PDE10A: variants seen among roughly 807,000 people sequenced by gnomAD.
PDE10A encodes cAMP and cAMP-inhibited cGMP 3',5'-cyclic phosphodiesterase 10A.
PDE10A carries 39 observed loss-of-function variants against 97.7 expected under a neutral mutation model. The observed-to-expected ratio is 0.40, with a 90% CI of 0.31 to 0.52. The LOEUF is 0.52. Among genes scored for constraint, PDE10A ranks in the 20% least tolerant of loss-of-function variants. The pLI, the probability that PDE10A is intolerant of heterozygous loss-of-function variation, is 0.56. For missense variants in PDE10A, 731 were observed against 1,047.8 expected, an observed-to-expected ratio of 0.70 and a Z score of 4.17; for synonymous variants, 371 against 376.8, an observed-to-expected ratio of 0.98 and a Z score of 0.18.
At chr6:165,947,048 G>A (rs1227156009) in intron 1 of PDE10A, 1 of 152,082 alleles carries the variant, frequency 6.6e-6, no homozygotes, top group African/African-American at 2.4e-5. Flanking sequence ...ATCCAGTCAA[G>A]GCCCATTCAT....
intron 5 of PDE10A, among the ~76,000 whole-genome samples, chr6:165,439,320 TA>T (rs1450327801): frequency 1.3e-5 from 2 of 152,160 alleles, no homozygotes; most frequent in East Asian, 3.9e-4. Context: ...TATAAATATA[TA>T]AAAACTTTAA....
chr6:165,960,350 T>C (rs1057398880), intron 1 of PDE10A, among the ~76,000 whole-genome samples: 4 of 152,078 alleles, frequency 2.6e-5, no homozygotes, highest in African/African-American at 9.7e-5. Context: ...GGAAAAAGCT[T>C]GAAGACATGC....
chr6:165,451,908 C>A (rs1791322560), intron 3 of PDE10A, among the ~76,000 whole-genome samples: 2 of 152,186 alleles, frequency 1.3e-5, no homozygotes, highest in Non-Finnish European at 2.9e-5. Context: ...TATGCTAGTG[C>A]TAGGTTGGCT....
At chr6:165,441,937 T>C (rs1790498412) in intron 5 of PDE10A, among the ~76,000 whole-genome samples, 1 of 152,236 alleles carries the variant, frequency 6.6e-6, no homozygotes, top group Non-Finnish European at 1.5e-5. Flanking sequence ...TTGAAAACTG[T>C]TCATTTTTAT....
At chr6:165,548,546 T>G (rs1783853446) in intron 1 of PDE10A, among the ~76,000 whole-genome samples, 1 of 152,158 alleles carries the variant, frequency 6.6e-6, no homozygotes, top group Admixed American at 6.5e-5. Context: ...CTGCATTTCT[T>G]GAAAATTGAC....
chr6:165,708,666 C>A (rs1420282450), intron 1 of PDE10A, among the ~76,000 whole-genome samples: 1 of 151,714 alleles, frequency 6.6e-6, no homozygotes, highest in Non-Finnish European at 1.5e-5. Context: ...TCGACCCGGC[C>A]GACCCACTCT....
intron 1 of PDE10A, among the ~76,000 whole-genome samples, chr6:165,814,784 A>G (rs1346873779): frequency 1.3e-5 from 2 of 152,112 alleles, no homozygotes; most frequent in African/African-American, 4.8e-5. Flanking sequence ...CACAAAGAGA[A>G]AGCTAAGGCC....
At chr6:165,442,109 C>T (rs1790511539) in intron 5 of PDE10A, among the ~76,000 whole-genome samples, 1 of 152,096 alleles carries the variant, frequency 6.6e-6, no homozygotes, top group African/African-American at 2.4e-5. Context: ...AAAGAACTAC[C>T]TCAGACTGGG....
chr6:165,373,155 G>A (rs1399735773), intron 18 of PDE10A, among the ~76,000 whole-genome samples: 5 of 151,026 alleles, frequency 3.3e-5, no homozygotes, highest in African/African-American at 1.2e-4. Context: ...TTACCATTCA[G>A]GACATAGGCA....
At position 165,825,334 on chromosome 6, in the gene PDE10A, A is replaced by G. The variant is rs140065818; in HGVS notation, c.-615+162195T>C. On this transcript the variant is annotated intron_variant, in intron 1 of 19. Transcript: ENST00000366882. ...GCCAAGTGGGTCTTTTTCATTCCTC[A>G]TGGCAAAGTGGTTTTTAATTGCACC... 2.0e-5 allele frequency among the ~76,000 whole-genome samples: 3 copies of G among 152,018 alleles called. No homozygotes were observed. In the South Asian group the frequency reaches 6.2e-4, roughly 32 times the overall value.
In PDE10A at chr6:165,418,034, C is replaced by T. The variant is rs556022335; in HGVS notation, c.1796+601G>A. Among the ~76,000 whole-genome samples the T allele has an allele frequency of 3.9e-5, 6 of 152,172 alleles. No individual in the cohort carries two copies. In the East Asian group the frequency reaches 7.7e-4, roughly 20 times the overall value. ...TGCTCCTTGTGTAGGTTTCCAGGTGCGATATGAGCAAGCCCCCATGCCTCC... is the reference window on the plus strand; with the variant it reads ...TGCTCCTTGTGTAGGTTTCCAGGTGTGATATGAGCAAGCCCCCATGCCTCC... On this transcript the variant is annotated intron_variant, in intron 11 of 21. Transcript: ENST00000539869. This position sits in a 1 kb window ranked among gnomAD's most constrained non-coding sequence, Gnocchi z 4.8.
rs1370546597 is a variant in PDE10A at position 165,695,600 on chromosome 6, G to A, written c.-614-152032C>T. Among the ~76,000 whole-genome samples the A allele has an allele frequency of 3.9e-5, 6 of 152,292 alleles. No homozygotes were observed. In the East Asian group the frequency reaches 7.7e-4, roughly 20 times the overall value. ...AAAAAGTTGGGAGTGGGGGAGAGGTGCAGGCTGTAAAACAGATAGCTCCTG... is the reference window on the plus strand; with the variant it reads ...AAAAAGTTGGGAGTGGGGGAGAGGTACAGGCTGTAAAACAGATAGCTCCTG... On this transcript the variant is annotated intron_variant, in intron 1 of 19. Coordinates refer to the PDE10A transcript ENST00000366882.
intron 17 of PDE10A, among the ~76,000 whole-genome samples, chr6:165,381,784 T>C (rs111650477): frequency 7.2e-4 from 109 of 151,880 alleles, no homozygotes; most frequent in Middle Eastern, 6.8e-3. Flanking sequence ...CCCGGCCACG[T>C]CTCCCTTTAC....
chr6:165,592,073 A>AACCAAAACAGCATGGTACTGAT (rs1223598449), intron 1 of PDE10A, among the ~76,000 whole-genome samples: 2 of 152,244 alleles, frequency 1.3e-5, no homozygotes, highest in African/African-American at 4.8e-5. Flanking sequence ...ACGCTATAGT[A>AACCAAAACAGCATGGTACTGAT]ACCAAAACAG....
At chr6:165,441,893 T>A (rs1014183637) in intron 5 of PDE10A, among the ~76,000 whole-genome samples, 2 of 152,256 alleles carry the variant, frequency 1.3e-5, no homozygotes, top group Non-Finnish European at 2.9e-5. Flanking sequence ...TTTTCTATTA[T>A]CATTTGTATT....
intron 3 of PDE10A, among the ~76,000 whole-genome samples, chr6:165,458,590 C>T (rs1457879718): frequency 6.6e-6 from 1 of 152,056 alleles, no homozygotes; most frequent in East Asian, 1.9e-4. Context: ...ACCAGTAATT[C>T]CATTTTTCTT....
rs892032013 is a variant in PDE10A, at chr6:165,329,726, T to G, written c.*3299A>C. 6 of 152,162 alleles carry G rather than the reference T, an allele frequency of 3.9e-5. No individual in the cohort carries two copies. Among genetic ancestry groups the G allele is most frequent in the African/African-American group, 1.2e-4 (5 of 41,438 alleles). 9.4% of individuals were successfully genotyped at this position (152,162 alleles called of 1,614,324 possible). A position where few individuals can be genotyped will look rare whatever the true frequency, so the allele number is the denominator to read the frequency against. On this transcript the variant is annotated 3_prime_UTR_variant, in exon 22 of 22. Coordinates refer to ENST00000539869, the MANE Select transcript of PDE10A (RefSeq NM_001385079.1). ...AAGAGGAAATCTATTATTGAACACA[T>G]CTAGTTTCCAATTAGTTGCTTTTGT...
At chr6:165,837,695 G>C (rs1226517131) in intron 1 of PDE10A, among the ~76,000 whole-genome samples, 1 of 141,840 alleles carries the variant, frequency 7.1e-6, no homozygotes, top group East Asian at 2.1e-4. Flanking sequence ...TGGGGCAGGA[G>C]GCGGTGGGAG....
At chr6:165,972,837 G>A (rs1001097691) in intron 1 of PDE10A, among the ~76,000 whole-genome samples, 4 of 152,034 alleles carry the variant, frequency 2.6e-5, no homozygotes, top group African/African-American at 4.8e-5. Context: ...TCTCGGCCAG[G>A]GATTTTATTA....
Sources: gnomAD v4.1 joint callset for allele counts (sites outside exome capture counted in the v4.1 genomes callset) on GRCh38, gnomAD v4.1.1 for gene constraint, Gnocchi (gnomAD v3.1) non-coding constraint, MANE v1.5 for transcripts, NCBI Gene and HGNC (gene_info 2026-07-23, HGNC 2026-07-21) for gene names.